Variants in RBFOX1 observed in about 807,000 individuals in gnomAD.
RBFOX1 encodes the protein RNA binding fox-1 homolog 1, also known as RNA binding protein fox-1 homolog 1.
Under a neutral mutation model 57.7 loss-of-function variants are expected in RBFOX1, and 8 were observed. The ratio of observed to expected loss-of-function variants is 0.14; its 90% CI spans 0.08 to 0.25. RBFOX1 has a LOEUF of 0.25. Ranked by LOEUF, RBFOX1 falls within the 10% of genes least tolerant of loss-of-function variation. RBFOX1 has a pLI of 1.00. For synonymous variants in RBFOX1, 326 were observed against 222.4 expected (o/e 1.47, Z -4.15); for missense variants, 611 against 548.5 (o/e 1.11, Z -1.14).
intron 2 of RBFOX1, among the ~76,000 whole-genome samples, chr16:6,445,625 C>T (rs2094469108): frequency 6.9e-6 from 1 of 145,212 alleles, no homozygotes; most frequent in Admixed American, 7.2e-5. Context: ...ACTCTGTTGC[C>T]AGGATGGCAT....
chr16:6,193,059 G>C (rs1386162674), intron 1 of RBFOX1, among the ~76,000 whole-genome samples: 1 of 151,980 alleles, frequency 6.6e-6, no homozygotes, highest in Non-Finnish European at 1.5e-5. Context: ...TATAATTAAA[G>C]CAGTTTGTGA....
At chr16:7,304,655 C>T (rs986038339) in intron 4 of RBFOX1, among the ~76,000 whole-genome samples, 1 of 152,110 alleles carries the variant, frequency 6.6e-6, no homozygotes, top group African/African-American at 2.4e-5. Flanking sequence ...AGCCCGGGCA[C>T]CTCGCGCTGA....
chr16:5,360,975 T>C (rs992500322), intron 1 of RBFOX1, among the ~76,000 whole-genome samples: 3 of 152,124 alleles, frequency 2.0e-5, no homozygotes, highest in Non-Finnish European at 4.4e-5. Flanking sequence ...GTAACCCTGA[T>C]TGATAACCAT....
chr16:7,267,624 G>A (rs1404587571), intron 4 of RBFOX1, among the ~76,000 whole-genome samples: 1 of 151,734 alleles, frequency 6.6e-6, no homozygotes, highest in African/African-American at 2.4e-5. Context: ...GGAGGCTGAG[G>A]TGGGCGGATC....
At chr16:5,687,853 A>G (rs2050552347) in intron 3 of RBFOX1, among the ~76,000 whole-genome samples, 1 of 152,154 alleles carries the variant, frequency 6.6e-6, no homozygotes, top group South Asian at 2.1e-4. Flanking sequence ...AAAAAGTTAC[A>G]TTTGTGGTTG....
At chr16:6,789,555 G>T (rs958353052) in intron 3 of RBFOX1, among the ~76,000 whole-genome samples, 2 of 152,176 alleles carry the variant, frequency 1.3e-5, no homozygotes, top group Non-Finnish European at 2.9e-5. Flanking sequence ...GCACTCAATA[G>T]GCGCCATTTT....
chr16:6,869,029 C>G (rs891174934), intron 3 of RBFOX1, among the ~76,000 whole-genome samples: 1 of 152,206 alleles, frequency 6.6e-6, no homozygotes, highest in South Asian at 2.1e-4. Context: ...TCCAGCCAAC[C>G]TGTATTGAGC....
intron 4 of RBFOX1, among the ~76,000 whole-genome samples, chr16:7,478,015 C>T (rs1474044042): frequency 2.6e-5 from 4 of 152,234 alleles, no homozygotes; most frequent in Non-Finnish European, 5.9e-5. Context: ...TCTCTCTACA[C>T]TGTTTTAAAG....
rs573090790 is a variant in RBFOX1 at position 7,703,105 on chromosome 16, C to T, written c.996-5951C>T. Among the ~76,000 whole-genome samples the T allele has an allele frequency of 2.1e-4, 31 of 144,274 alleles. No homozygotes were observed. In the South Asian group the frequency reaches 7.0e-3, roughly 32 times the overall value. 94.6% of individuals were successfully genotyped at this position (144,274 alleles called of 152,430 possible). ...TCTCTAAAGAGCATGCTTTTAGAAC[C>T]ACTGAACCACAGTTGGTGCCCTGTT... On this transcript the variant is annotated intron_variant, in intron 14 of 15. Coordinates refer to ENST00000550418, the MANE Select transcript of RBFOX1 (RefSeq NM_018723.4).
intron 1 of RBFOX1, among the ~76,000 whole-genome samples, chr16:6,088,625 G>C (rs2096124158): frequency 6.6e-6 from 1 of 151,810 alleles, no homozygotes; most frequent in Non-Finnish European, 1.5e-5. Flanking sequence ...AGATAGAATG[G>C]TGGAATGCTT....
intron 3 of RBFOX1, among the ~76,000 whole-genome samples, chr16:6,806,836 A>ATATATT (rs754342591): frequency 3.3e-5 from 3 of 91,904 alleles, no homozygotes; most frequent in Non-Finnish European, 4.2e-5. Context: ...ATATATATAT[A>ATATATT]TTTTTTTTTT....
At chr16:6,866,583 C>G (rs563028258) in intron 3 of RBFOX1, among the ~76,000 whole-genome samples, 213 of 122,770 alleles carry the variant, frequency 1.7e-3, no homozygotes, top group African/African-American at 5.9e-3. Flanking sequence ...GCTCTGTCCC[C>G]CAGGCTGGAG....
At chr16:6,909,679 A>T (rs1020282883) in intron 3 of RBFOX1, among the ~76,000 whole-genome samples, 2 of 152,168 alleles carry the variant, frequency 1.3e-5, no homozygotes, top group Non-Finnish European at 2.9e-5. Flanking sequence ...TCGGAATCCT[A>T]TGTGCCTAAC....
chr16:5,736,400 G>T (rs1047501752), intron 3 of RBFOX1, among the ~76,000 whole-genome samples: 1 of 152,028 alleles, frequency 6.6e-6, no homozygotes, highest in East Asian at 1.9e-4. Context: ...ACTGGGTGTG[G>T]GGTGATGGGA....
chr16:7,147,456 A>T (rs935268886), intron 4 of RBFOX1, among the ~76,000 whole-genome samples: 2 of 151,070 alleles, frequency 1.3e-5, no homozygotes, highest in African/African-American at 2.4e-5. Flanking sequence ...CGGTTTTTCA[A>T]CCCCGGCCTT....
At chr16:6,416,046 G>A (rs2152980245) in intron 2 of RBFOX1, among the ~76,000 whole-genome samples, 1 of 152,298 alleles carries the variant, frequency 6.6e-6, no homozygotes, top group Middle Eastern at 3.4e-3. Flanking sequence ...TACAACAGGT[G>A]TGCCAAATAT....
rs111530565 is a variant in RBFOX1 at position 6,135,882 on chromosome 16, C to G, written c.-127+115890C>G. Among the ~76,000 whole-genome samples, 1,376 of 148,262 alleles carry G rather than the reference C, an allele frequency of 9.3e-3. 25 individuals are homozygous for G. The highest frequency in any genetic ancestry group is 0.033 in the African/African-American group (1,317 of 39,970). On this transcript the variant is annotated intron_variant, in intron 1 of 15. Coordinates refer to ENST00000550418, the MANE Select transcript of RBFOX1 (RefSeq NM_018723.4). ...CGATCTCAGCTCACTGTACCCTCTG[C>G]CTCCCAGGCTCAAGTGATTCTCCTG...
intron 2 of RBFOX1, chr16:5,467,352 C>A: frequency 1.7e-6 from 2 of 1,181,730 alleles, no homozygotes; most frequent in Non-Finnish European, 1.2e-6. Context: ...AACTTCACTG[C>A]CCAGGGCAGA....
intron 4 of RBFOX1, among the ~76,000 whole-genome samples, chr16:7,322,761 C>T (rs531250107): frequency 1.3e-5 from 2 of 152,260 alleles, no homozygotes; most frequent in East Asian, 3.9e-4. Context: ...GAAATCAGCC[C>T]TTGAGGTGGA....
Sources: gnomAD v4.1 joint callset for allele counts (sites outside exome capture counted in the v4.1 genomes callset) on GRCh38, gnomAD v4.1.1 for gene constraint, MANE v1.5 for transcripts, NCBI Gene and HGNC (gene_info 2026-07-23, HGNC 2026-07-21) for gene names.